The following MDGA2 variants were observed in gnomAD, a reference collection of about 807,000 sequenced individuals.
The protein encoded by MDGA2 is MAM domain containing glycosylphosphatidylinositol anchor 2.
Under a neutral mutation model 117.8 loss-of-function variants are expected in MDGA2, and 40 were observed. The observed-to-expected ratio is 0.34, with a 90% CI of 0.26 to 0.44. The LOEUF (loss-of-function observed/expected upper bound fraction) is 0.44. Among genes scored for constraint, MDGA2 ranks in the 20% least tolerant of loss-of-function variants. The pLI, the probability that MDGA2 is intolerant of heterozygous loss-of-function variation, is 1.00. For synonymous variants in MDGA2, 452 were observed against 439.0 expected, an observed-to-expected ratio of 1.03 and a Z score of -0.37; for missense variants, 1,123 against 1,250.6, an observed-to-expected ratio of 0.90 and a Z score of 1.54.
At chr14:47,255,589 T>C (rs886741469) in intron 2 of MDGA2, among the ~76,000 whole-genome samples, 4 of 152,212 alleles carry the variant, frequency 2.6e-5, no homozygotes, top group Admixed American at 6.5e-5. Context: ...TTTTTAATCC[T>C]CATTTTCTTT....
chr14:47,389,010 T>G (rs985585427), intron 1 of MDGA2, among the ~76,000 whole-genome samples: 2 of 152,224 alleles, frequency 1.3e-5, no homozygotes, highest in Non-Finnish European at 2.9e-5. Flanking sequence ...TGTCTAAATG[T>G]TAAAAATTCC....
intron 1 of MDGA2, among the ~76,000 whole-genome samples, chr14:47,534,317 T>C (rs1044886530): frequency 5.9e-5 from 9 of 152,214 alleles, no homozygotes; most frequent in Admixed American, 2.0e-4. Context: ...GGGCTGGCTT[T>C]AGATTCAATA....
At chr14:46,932,546 A>C (rs534620482) in intron 9 of MDGA2, among the ~76,000 whole-genome samples, 1 of 152,118 alleles carries the variant, frequency 6.6e-6, no homozygotes, top group Admixed American at 6.6e-5. Context: ...CTTTCCTAAA[A>C]TCATCTTCCT....
intron 1 of MDGA2, among the ~76,000 whole-genome samples, chr14:47,568,062 G>T: frequency 6.6e-6 from 1 of 152,074 alleles, no homozygotes; most frequent in Admixed American, 6.5e-5. Context: ...AGTCAGTACT[G>T]CTGGGGCCCT....
At chr14:47,232,415 C>T (rs1031455396) in intron 2 of MDGA2, among the ~76,000 whole-genome samples, 5 of 151,748 alleles carry the variant, frequency 3.3e-5, no homozygotes, top group African/African-American at 1.2e-4. Context: ...GCAGGCATAG[C>T]CTTAGGACAT....
chr14:47,503,554 G>A (rs754128842), intron 1 of MDGA2, among the ~76,000 whole-genome samples: 8 of 150,560 alleles, frequency 5.3e-5, no homozygotes, highest in African/African-American at 1.7e-4. Flanking sequence ...ACAGGCACCC[G>A]CCACCACGCC....
Position 47,099,361 on chromosome 14 carries a change from TGTC to T in MDGA2, c.926-2241_926-2239del, listed in dbSNP as rs546248701. Among the ~76,000 whole-genome samples, 10 of 152,074 alleles carry T rather than the reference TGTC, an allele frequency of 6.6e-5. 1 individual carries two copies. In the South Asian group the frequency reaches 2.1e-3, roughly 31 times the overall value. On this transcript the variant is annotated intron_variant, in intron 5 of 16. Coordinates refer to ENST00000399232, the MANE Select transcript of MDGA2 (RefSeq NM_001113498.3). The stretch of plus-strand genomic sequence containing the variant: ...ATCAAGCAAGCTTCAGTGTAAATCA[TGTC>T]GTTGAGTAAAAACTGATATAGGAAA...
intron 9 of MDGA2, among the ~76,000 whole-genome samples, chr14:46,921,258 C>T (rs2138514835): frequency 6.6e-6 from 1 of 152,146 alleles, no homozygotes; most frequent in Non-Finnish European, 1.5e-5. Flanking sequence ...AAGTTAAAAG[C>T]TGTATTTTTA....
chr14:47,496,760 T>C (rs1004698446), intron 1 of MDGA2, among the ~76,000 whole-genome samples: 6 of 150,340 alleles, frequency 4.0e-5, no homozygotes, highest in African/African-American at 1.5e-4. Context: ...CAGTAATCTA[T>C]ACATTTTACT....
chr14:46,934,373 T>C (rs1485284300), intron 9 of MDGA2, among the ~76,000 whole-genome samples: 4 of 152,076 alleles, frequency 2.6e-5, no homozygotes, highest in Non-Finnish European at 4.4e-5. Context: ...CAGTTTTATA[T>C]AGGAATTTAC....
intron 1 of MDGA2, among the ~76,000 whole-genome samples, chr14:47,514,975 T>G (rs984249904): frequency 1.3e-5 from 2 of 152,186 alleles, no homozygotes; most frequent in Non-Finnish European, 2.9e-5. Context: ...AAATATAGAT[T>G]AACTATGTTT....
chr14:47,095,991 G>C (rs544618889), intron 6 of MDGA2, among the ~76,000 whole-genome samples: 1 of 151,934 alleles, frequency 6.6e-6, no homozygotes, highest in South Asian at 2.1e-4. Context: ...GGTGAAGTGA[G>C]ATATGAAGAA....
rs553950408 is a variant in MDGA2 at position 47,438,232 on chromosome 14, C to T, written c.281-136682G>A. On this transcript the variant is annotated intron_variant, in intron 1 of 16. Coordinates refer to ENST00000399232, the MANE Select transcript of MDGA2 (RefSeq NM_001113498.3). The stretch of plus-strand genomic sequence containing the variant: ...ACTTGAGGTCTAAAAATAGAATAAT[C>T]TAAAGGTAAAGATTTTAGCTCATCT... Among the ~76,000 whole-genome samples, 4 of 152,200 alleles carry T rather than the reference C, an allele frequency of 2.6e-5. No homozygotes were observed. The South Asian group carries it at 8.3e-4, about 32-fold the overall frequency.
intron 1 of MDGA2, among the ~76,000 whole-genome samples, chr14:47,562,955 G>T (rs1177481161): frequency 6.6e-6 from 1 of 152,020 alleles, no homozygotes; most frequent in African/African-American, 2.4e-5. Context: ...TAATTTTAAA[G>T]AATTTCTTGA....
intron 1 of MDGA2, among the ~76,000 whole-genome samples, chr14:47,373,076 GT>G (rs1157867787): frequency 6.6e-6 from 1 of 151,976 alleles, no homozygotes; most frequent in Non-Finnish European, 1.5e-5. Flanking sequence ...TTGTATATGT[GT>G]TTTATATGTT....
chr14:47,266,165 C>G (rs1887959027), intron 2 of MDGA2, among the ~76,000 whole-genome samples: 1 of 152,088 alleles, frequency 6.6e-6, no homozygotes, highest in Non-Finnish European at 1.5e-5. Flanking sequence ...AGGGATAAAG[C>G]TGGAACCCAA....
At chr14:47,570,839 G>C (rs1896005644) in intron 1 of MDGA2, among the ~76,000 whole-genome samples, 1 of 152,146 alleles carries the variant, frequency 6.6e-6, no homozygotes, top group Admixed American at 6.5e-5. Flanking sequence ...TCAGGACATA[G>C]GCATAGGCAA....
chr14:47,327,386 A>T (rs1890175027), intron 1 of MDGA2, among the ~76,000 whole-genome samples: 1 of 152,168 alleles, frequency 6.6e-6, no homozygotes, highest in Admixed American at 6.5e-5. Flanking sequence ...TGTCTTTGAC[A>T]TTAAATTGTA....
chr14:47,176,481 C>T (rs1242627258), intron 3 of MDGA2, among the ~76,000 whole-genome samples: 2 of 152,086 alleles, frequency 1.3e-5, no homozygotes, highest in African/African-American at 2.4e-5. Context: ...GAACAGAGCC[C>T]TCAGAAATAA....
Sources: gnomAD v4.1 joint callset for allele counts (sites outside exome capture counted in the v4.1 genomes callset) on GRCh38, gnomAD v4.1.1 for gene constraint, MANE v1.5 for transcripts, NCBI Gene and HGNC (gene_info 2026-07-23, HGNC 2026-07-21) for gene names.